The following C1orf105 variants were observed in gnomAD, a reference collection of about 807,000 sequenced individuals.
C1orf105 encodes uncharacterized protein C1orf105.
A neutral mutation model predicts 20.8 loss-of-function variants in C1orf105; 17 were observed. The observed-to-expected ratio is 0.82, with a 90% CI of 0.56 to 1.23. The LOEUF (loss-of-function observed/expected upper bound fraction) is 1.23. Among genes scored for constraint, C1orf105 ranks in the 50% most tolerant of loss-of-function variants. The pLI is 0.00. For missense variants in C1orf105, 219 were observed against 213.5 expected, an observed-to-expected ratio of 1.03 and a Z score of -0.16; for synonymous variants, 72 against 72.1, an observed-to-expected ratio of 1.00 and a Z score of 0.01.
intron 4 of C1orf105, among the ~76,000 whole-genome samples, chr1:172,460,669 A>T (rs1030827120): frequency 3.3e-5 from 5 of 152,250 alleles, no homozygotes; most frequent in Non-Finnish European, 7.3e-5. Context: ...AAGAAAAAAA[A>T]AGAAATACAT....
At chr1:172,425,535 C>T (rs1294655087) in intron 1 of C1orf105, among the ~76,000 whole-genome samples, 1 of 152,182 alleles carries the variant, frequency 6.6e-6, no homozygotes, top group African/African-American at 2.4e-5. Context: ...CTCTCCCCTG[C>T]AGCTGAGCCC....
At chr1:172,434,337 G>A (rs985298447) in intron 1 of C1orf105, among the ~76,000 whole-genome samples, 2 of 152,084 alleles carry the variant, frequency 1.3e-5, no homozygotes, top group African/African-American at 4.8e-5. Flanking sequence ...TTCTAATATT[G>A]ACCACATAGT....
chr1:172,465,696 CA>C (rs1274317569), intron 6 of C1orf105: 3 of 481,524 alleles, frequency 6.2e-6, no homozygotes, highest in African/African-American at 5.9e-5. Context: ...CTGATGGTAT[CA>C]ATCAAAATGG....
chr1:172,461,975 G>A (rs1012088752), intron 4 of C1orf105, among the ~76,000 whole-genome samples: 2 of 152,184 alleles, frequency 1.3e-5, no homozygotes, highest in African/African-American at 4.8e-5. Flanking sequence ...CTAAATCTGT[G>A]TATCTAATTT....
chr1:172,453,170 C>T (rs1423124904), intron 3 of C1orf105: 38 of 1,550,952 alleles, frequency 2.5e-5, no homozygotes, highest in Non-Finnish European at 3.2e-5. Flanking sequence ...GGCCAGGCTT[C>T]AGCTGATAGC....
At chr1:172,448,826 T>C (rs1021176170) in intron 3 of C1orf105, among the ~76,000 whole-genome samples, 3 of 152,186 alleles carry the variant, frequency 2.0e-5, no homozygotes, top group Non-Finnish European at 4.4e-5. Context: ...CCTATCAGCC[T>C]GTGACTGGAA....
intron 4 of C1orf105, among the ~76,000 whole-genome samples, chr1:172,457,433 A>G (rs947297988): frequency 2.6e-5 from 4 of 152,236 alleles, no homozygotes; most frequent in African/African-American, 9.6e-5. Flanking sequence ...TCTTAGGTCC[A>G]GTCGGATGTG....
At position 172,468,518 on chromosome 1, in the gene C1orf105, C is replaced by G. The variant is rs929459788; in HGVS notation, c.476C>G (p.Ala159Gly). ...GTCTTCCACGGATTACTGACAGAGGCCTACAAAACTCTAAAAGAGAGACAA... is the reference window on the plus strand; with the variant it reads ...GTCTTCCACGGATTACTGACAGAGGGCTACAAAACTCTAAAAGAGAGACAA... Reference protein sequence around the residue: ...TAVFHGLLTEAYKTLKERQRS... With the variant: ...TAVFHGLLTEGYKTLKERQRS... The change falls in exon 7 of 7, where the codon GCC becomes GGC. Residue 159 changes from alanine to glycine, a missense_variant. By Grantham distance (60) the Ala-to-Gly change is moderately conservative. Coordinates refer to ENST00000367727, the MANE Select transcript of C1orf105 (RefSeq NM_139240.4). The G allele has an allele frequency of 2.3e-5, 37 of 1,613,832 alleles. No individual in the cohort carries two copies. The highest frequency in any genetic ancestry group is 2.6e-5 in the Non-Finnish European group (31 of 1,179,892).
rs1045201090 is a variant in C1orf105 at position 172,426,704 on chromosome 1, G to A, written c.21+5798G>A. On this transcript the variant is annotated intron_variant, in intron 1 of 6. Transcript: ENST00000367727. Reference sequence around the variant, plus strand: ...CTCATCTCTATATCCTATCTTTCTAGCCTACTTCTATTGTTTTAATCTCTT... The same window carrying A: ...CTCATCTCTATATCCTATCTTTCTAACCTACTTCTATTGTTTTAATCTCTT... Among the ~76,000 whole-genome samples, 5 of 151,664 alleles carry A rather than the reference G, an allele frequency of 3.3e-5. No individual in the cohort carries two copies. The South Asian group carries it at 1.0e-3, about 32-fold the overall frequency.
rs1269236209 is a variant in C1orf105 at position 172,468,429 on chromosome 1, C to T, written c.407-20C>T. 6.3e-7 allele frequency: 1 copy of T among 1,594,286 alleles called. No individual in the cohort carries two copies. The highest frequency in any genetic ancestry group is 1.7e-5 in the Admixed American group (1 of 58,192). ...TCTAAGTAGTCCTTATCCTTCTTTC[C>T]TTCTTGTACTGTCATCCAGAAAGCA... On this transcript the variant is annotated intron_variant, in intron 6 of 6. Coordinates refer to ENST00000367727, the MANE Select transcript of C1orf105 (RefSeq NM_139240.4).
chr1:172,429,396 A>C (rs573545323), intron 1 of C1orf105, among the ~76,000 whole-genome samples: 1 of 152,334 alleles, frequency 6.6e-6, no homozygotes, highest in Non-Finnish European at 1.5e-5. Flanking sequence ...CAGACTCATT[A>C]ATTCAGGTGT....
At chr1:172,446,579 A>G (rs1313741862) in intron 2 of C1orf105, among the ~76,000 whole-genome samples, 1 of 152,222 alleles carries the variant, frequency 6.6e-6, no homozygotes, top group Non-Finnish European at 1.5e-5. Flanking sequence ...ATAGGGTAAT[A>G]TCCCACCATC....
At chr1:172,432,300 T>C (rs1021425046) in intron 1 of C1orf105, among the ~76,000 whole-genome samples, 17 of 152,356 alleles carry the variant, frequency 1.1e-4, no homozygotes, top group African/African-American at 3.4e-4. Flanking sequence ...ATTGGGTTCC[T>C]GACCCCCAGG....
chr1:172,430,114 C>G (rs1573830778), intron 1 of C1orf105, among the ~76,000 whole-genome samples: 1 of 152,322 alleles, frequency 6.6e-6, no homozygotes, highest in Admixed American at 6.5e-5. Flanking sequence ...TTTTCCTCCT[C>G]ACCTTTCCCC....
intron 1 of C1orf105, among the ~76,000 whole-genome samples, chr1:172,434,099 T>C (rs952771041): frequency 6.6e-6 from 1 of 152,164 alleles, no homozygotes; most frequent in African/African-American, 2.4e-5. Context: ...CCCAGATTCA[T>C]AAAGCAAGTC....
intron 3 of C1orf105, among the ~76,000 whole-genome samples, chr1:172,454,558 C>A (rs965895250): frequency 3.3e-5 from 5 of 152,074 alleles, no homozygotes. Flanking sequence ...AACCTCCCAC[C>A]AGACAACCTG....
intron 4 of C1orf105, among the ~76,000 whole-genome samples, chr1:172,459,279 A>G (rs1008520952): frequency 6.6e-6 from 1 of 152,136 alleles, no homozygotes; most frequent in Non-Finnish European, 1.5e-5. Flanking sequence ...AAATCAACAG[A>G]TGAAGGATTA....
At chr1:172,425,788 C>T (rs576276383) in intron 1 of C1orf105, among the ~76,000 whole-genome samples, 13 of 152,266 alleles carry the variant, frequency 8.5e-5, no homozygotes, top group African/African-American at 3.1e-4. Flanking sequence ...CATTAGTGAG[C>T]AATAATATGC....
chr1:172,455,400 C>G (rs1033184282), intron 3 of C1orf105, among the ~76,000 whole-genome samples: 1 of 152,160 alleles, frequency 6.6e-6, no homozygotes. Flanking sequence ...GATGGGCCAG[C>G]AAGCGGATCA....
Sources: allele counts gnomAD v4.1 joint callset (sites outside exome capture counted in the v4.1 genomes callset), GRCh38; gene constraint gnomAD v4.1.1; transcripts MANE v1.5; gene names NCBI Gene and HGNC (gene_info 2026-07-23, HGNC 2026-07-21).